Variants in ROBO1 observed in about 807,000 individuals in gnomAD.
The protein encoded by ROBO1 is roundabout homolog 1.
Under a neutral mutation model 195.9 loss-of-function variants are expected in ROBO1, and 149 were observed. The ratio of observed to expected loss-of-function variants is 0.76; its 90% CI spans 0.67 to 0.87. The LOEUF is 0.87. ROBO1 is among the 40% of genes least tolerant of loss of function. The probability of loss-of-function intolerance (pLI) is 0.00; values close to 1 mark genes in which losing one functional copy is unlikely to be tolerated. For synonymous variants in ROBO1, 816 were observed against 733.2 expected (o/e 1.11, Z -1.82); for missense variants, 1,933 against 2,068.3 (o/e 0.93, Z 1.27).
At chr3:79,420,348 C>A (rs116579922) in intron 2 of ROBO1, among the ~76,000 whole-genome samples, 1 of 152,090 alleles carries the variant, frequency 6.6e-6, no homozygotes, top group Non-Finnish European at 1.5e-5. Flanking sequence ...GTTAGTAAAA[C>A]CTTCCTCCAA....
intron 3 of ROBO1, among the ~76,000 whole-genome samples, chr3:79,089,890 T>C (rs374846760): frequency 6.6e-6 from 1 of 152,082 alleles, no homozygotes; most frequent in African/African-American, 2.4e-5. Flanking sequence ...CGACAGTTGT[T>C]TGCATTTTGG....
chr3:79,502,189 T>A (rs1022544549), intron 2 of ROBO1, among the ~76,000 whole-genome samples: 1 of 152,196 alleles, frequency 6.6e-6, no homozygotes, highest in African/African-American at 2.4e-5. Context: ...GCCGCTGCAC[T>A]GTGGGAGCCC....
rs892357951 is a variant in ROBO1 at position 79,677,563 on chromosome 3, A to G, written c.-50-87602T>C. 1.5e-4 allele frequency among the ~76,000 whole-genome samples: 23 copies of G among 152,162 alleles called. No homozygotes were observed. The East Asian group carries it at 3.7e-3, about 25-fold the overall frequency. ...AGGAAAGACCTGCCCCTGTGATTCA[A>G]TTATCTCCTAGTGGGTCTCCCCCAC... is the stretch of plus-strand genomic sequence containing the variant. On this transcript the variant is annotated intron_variant, in intron 1 of 30. Coordinates refer to ENST00000464233, the MANE Select transcript of ROBO1 (RefSeq NM_002941.4).
At chr3:79,575,298 A>AATATATATAAATATATATATAAC (rs1943436444) in intron 2 of ROBO1, among the ~76,000 whole-genome samples, 1 of 124,036 alleles carries the variant, frequency 8.1e-6, no homozygotes, top group Non-Finnish European at 1.6e-5. Flanking sequence ...ATATATAACA[A>AATATATATAAATATATATATAAC]ATATATATAA....
intron 2 of ROBO1, among the ~76,000 whole-genome samples, chr3:79,537,621 G>A (rs1026460959): frequency 1.3e-5 from 2 of 151,940 alleles, no homozygotes; most frequent in African/African-American, 4.8e-5. Context: ...CACGACCTAG[G>A]AATTAACACA....
At chr3:79,525,515 AT>A in intron 2 of ROBO1, among the ~76,000 whole-genome samples, 1 of 145,322 alleles carries the variant, frequency 6.9e-6, no homozygotes, top group East Asian at 2.0e-4. Context: ...TTAAACATTT[AT>A]TTTTTCATCA....
chr3:78,954,738 A>AT (rs1367365028), intron 3 of ROBO1, among the ~76,000 whole-genome samples: 14 of 148,160 alleles, frequency 9.4e-5, no homozygotes, highest in African/African-American at 3.6e-4. Flanking sequence ...ATTTCTTTAT[A>AT]ATATAGAAAT....
chr3:78,964,815 T>G (rs924035246), intron 3 of ROBO1, among the ~76,000 whole-genome samples: 8 of 151,572 alleles, frequency 5.3e-5, no homozygotes, highest in African/African-American at 1.9e-4. Flanking sequence ...TTTTTTTGTT[T>G]TTTTTTTTTA....
chr3:79,213,611 C>G (rs2108807718), intron 2 of ROBO1, among the ~76,000 whole-genome samples: 1 of 152,122 alleles, frequency 6.6e-6, no homozygotes. Flanking sequence ...GACAAGAAAG[C>G]TTTACATTTT....
chr3:78,629,567 A>G (rs1705046386), intron 25 of ROBO1, among the ~76,000 whole-genome samples: 1 of 152,012 alleles, frequency 6.6e-6, no homozygotes, highest in Admixed American at 6.6e-5. Flanking sequence ...GCTGTGGTAC[A>G]AGCCTGTAGT....
At chr3:79,012,400 A>G (rs1234734128) in intron 3 of ROBO1, among the ~76,000 whole-genome samples, 2 of 152,242 alleles carry the variant, frequency 1.3e-5, no homozygotes, top group Non-Finnish European at 2.9e-5. Context: ...TTAAGCCCAG[A>G]TAGACTATTT....
chr3:79,620,240 G>A (rs1250821034), intron 1 of ROBO1, among the ~76,000 whole-genome samples: 1 of 152,128 alleles, frequency 6.6e-6, no homozygotes. Flanking sequence ...TCTGGCCCAA[G>A]GATCTTGGAC....
intron 2 of ROBO1, among the ~76,000 whole-genome samples, chr3:79,315,374 C>A (rs567710463): frequency 7.2e-5 from 11 of 152,278 alleles, no homozygotes; most frequent in Non-Finnish European, 1.3e-4. Flanking sequence ...AAGCAGGAGA[C>A]CACTTACGGG....
chr3:79,313,481 T>C (rs947827175), intron 2 of ROBO1, among the ~76,000 whole-genome samples: 8 of 152,222 alleles, frequency 5.3e-5, no homozygotes, highest in African/African-American at 1.9e-4. Context: ...TTTCCTTCAA[T>C]GCTTTTAGAA....
intron 2 of ROBO1, among the ~76,000 whole-genome samples, chr3:79,353,270 G>A (rs548443121): frequency 9.1e-4 from 138 of 152,136 alleles, no homozygotes; most frequent in African/African-American, 3.2e-3. Context: ...ATTGGAGAGA[G>A]CAAATTGCTC....
At chr3:78,830,491 G>A (rs1559900796) in intron 4 of ROBO1, among the ~76,000 whole-genome samples, 1 of 152,150 alleles carries the variant, frequency 6.6e-6, no homozygotes, top group Non-Finnish European at 1.5e-5. Flanking sequence ...GAGGCCTCAG[G>A]AACCTTACAA....
intron 10 of ROBO1, among the ~76,000 whole-genome samples, chr3:78,678,841 C>T (rs1575913972): frequency 6.6e-6 from 1 of 152,134 alleles, no homozygotes; most frequent in African/African-American, 2.4e-5. Flanking sequence ...CAGCATCATC[C>T]TGATACCAAA....
intron 2 of ROBO1, among the ~76,000 whole-genome samples, chr3:79,412,993 AC>A (rs1291020305): frequency 1.3e-5 from 2 of 148,348 alleles, no homozygotes; most frequent in Admixed American, 1.4e-4. Flanking sequence ...TTGGAACTAT[AC>A]TAGAACAACA....
At chr3:79,499,297 A>G (rs959544792) in intron 2 of ROBO1, among the ~76,000 whole-genome samples, 1 of 152,198 alleles carries the variant, frequency 6.6e-6, no homozygotes, top group South Asian at 2.1e-4. Context: ...GCCCGGCCCA[A>G]AACCAGTCTT....
Sources: allele counts gnomAD v4.1 joint callset (sites outside exome capture counted in the v4.1 genomes callset), GRCh38; gene constraint gnomAD v4.1.1; transcripts MANE v1.5; gene names NCBI Gene and HGNC (gene_info 2026-07-23, HGNC 2026-07-21).